The following POFUT2 variants were observed in gnomAD, a reference collection of about 807,000 sequenced individuals.
POFUT2 encodes the protein GDP-fucose protein O-fucosyltransferase 2.
A neutral mutation model predicts 55.0 loss-of-function variants in POFUT2; 30 were observed. The observed-to-expected ratio is 0.55, with a 90% CI of 0.41 to 0.74. The LOEUF (loss-of-function observed/expected upper bound fraction) is 0.74, where lower values mean the gene tolerates loss of function less well. POFUT2 is among the 30% of genes least tolerant of loss of function. The probability of loss-of-function intolerance (pLI) is 0.00; values close to 1 mark genes in which losing one functional copy is unlikely to be tolerated. For missense variants in POFUT2, 524 were observed against 562.6 expected (o/e 0.93, Z 0.69); for synonymous variants, 267 against 231.1 (o/e 1.16, Z -1.41).
In POFUT2 at chr21:45,265,655, TTCCA is replaced by T; in HGVS notation, c.1137-24_1137-21del. 5.1e-6 allele frequency: 4 copies of T among 785,358 alleles called. No homozygotes were observed. Among genetic ancestry groups the T allele is most frequent in the Non-Finnish European group, 6.8e-6 (4 of 587,518 alleles). 48.6% of individuals were successfully genotyped at this position (785,358 alleles called of 1,614,324 possible). A position where few individuals can be genotyped will look rare whatever the true frequency, so the allele number is the denominator to read the frequency against. On this transcript the variant is annotated intron_variant, in intron 8 of 8. Transcript: ENST00000349485. The surrounding 1 kb of genome is among the most constrained non-coding windows in gnomAD (Gnocchi z 4.6). ...AAAAACCTGCAAAGGATCACAGAGG[TTCCA>T]GAGTCAGGGAGAACTGGCGTCACAG...
At chr21:45,279,114 A>G (rs993871456) in intron 4 of POFUT2, among the ~76,000 whole-genome samples, 13 of 152,238 alleles carry the variant, frequency 8.5e-5, no homozygotes, top group East Asian at 1.9e-4. Context: ...AATTTTGGCC[A>G]GGCGCAGTGG....
chr21:45,286,883 G>T (rs1472608405), intron 1 of POFUT2, among the ~76,000 whole-genome samples: 1 of 152,192 alleles, frequency 6.6e-6, no homozygotes, highest in Non-Finnish European at 1.5e-5. Context: ...AGATCCCACA[G>T]CCACAGGGCG....
chr21:45,266,305 C>T, intron 8 of POFUT2: 1 of 1,365,828 alleles, frequency 7.3e-7, no homozygotes, highest in African/African-American at 1.5e-5. Flanking sequence ...AGCCACAGGG[C>T]CAGCAGGCCA....
intron 1 of POFUT2, among the ~76,000 whole-genome samples, chr21:45,286,616 G>T (rs1037647986): frequency 4.6e-5 from 7 of 152,236 alleles, no homozygotes; most frequent in African/African-American, 1.4e-4. Flanking sequence ...AAAGCTCAGA[G>T]ATCCAGGACA....
intron 6 of POFUT2, among the ~76,000 whole-genome samples, chr21:45,274,541 C>T (rs2093246184): frequency 6.6e-6 from 1 of 152,160 alleles, no homozygotes; most frequent in Non-Finnish European, 1.5e-5. Context: ...TCTGGAAGTA[C>T]ACAATACTCA....
chr21:45,268,370 A>C (rs1273150015), intron 7 of POFUT2, among the ~76,000 whole-genome samples: 1 of 151,886 alleles, frequency 6.6e-6, no homozygotes, highest in Admixed American at 6.5e-5. Flanking sequence ...TGGCCTCCCA[A>C]AGTGCCAAGA....
chr21:45,268,329 G>A lies in POFUT2; in HGVS notation c.1013-616C>T, dbSNP rs1004664854. 8.5e-3 allele frequency among the ~76,000 whole-genome samples: 1,299 copies of A among 152,260 alleles called. 20 individuals are homozygous for A. Among genetic ancestry groups the A allele is most frequent in the African/African-American group, 0.028 (1,172 of 41,534 alleles). On this transcript the variant is annotated intron_variant, in intron 7 of 8. Transcript: ENST00000349485. Reference sequence around the variant, plus strand: ...GAGTGCAGTGGCGTGATCTCGGCTCGCTACAACCTACACCTCCCAGCCGCC... The same window carrying A: ...GAGTGCAGTGGCGTGATCTCGGCTCACTACAACCTACACCTCCCAGCCGCC...
At chr21:45,274,259 A>T (rs1444134531) in intron 6 of POFUT2, among the ~76,000 whole-genome samples, 11 of 152,086 alleles carry the variant, frequency 7.2e-5, no homozygotes. Flanking sequence ...AAAAAAACCC[A>T]CAAAACTTGA....
chr21:45,268,087 C>T (rs1282569384), intron 7 of POFUT2, among the ~76,000 whole-genome samples: 2 of 152,224 alleles, frequency 1.3e-5, no homozygotes, highest in African/African-American at 4.8e-5. Flanking sequence ...TCACTGCAAC[C>T]TCCCTGCCTG....
Position 45,277,336 on chromosome 21 carries a change from C to T in POFUT2, c.706-194G>A, listed in dbSNP as rs538720883. ...TGGAGGGTCTCCTGCATGAAGCCAACGCAGGGCAAGCCGCCCACCCCTGCC... is the reference window on the plus strand; with the variant it reads ...TGGAGGGTCTCCTGCATGAAGCCAATGCAGGGCAAGCCGCCCACCCCTGCC... On this transcript the variant is annotated intron_variant, in intron 5 of 8. Coordinates refer to ENST00000349485, the MANE Select transcript of POFUT2 (RefSeq NM_133635.6). This position sits in a 1 kb window ranked among gnomAD's most constrained non-coding sequence, Gnocchi z 6.9. 342 of 708,836 alleles carry T rather than the reference C, an allele frequency of 4.8e-4. No homozygotes were observed. The highest frequency in any genetic ancestry group is 7.0e-4 in the Non-Finnish European group (314 of 448,428). 43.9% of individuals were successfully genotyped at this position (708,836 alleles called of 1,614,324 possible).
chr21:45,282,364 C>G lies in POFUT2; in HGVS notation c.623G>C (p.Arg208Thr), dbSNP rs566827278. The part of the protein sequence containing the change: ...SASIVAPLLL[R>T]NTSARSVMLD... ...GGGCACTCACCGGGCTGATGTGTTTCTCAGCAGCAGGGGCGCCACGATGGA... is the reference window on the plus strand; with the variant it reads ...GGGCACTCACCGGGCTGATGTGTTTGTCAGCAGCAGGGGCGCCACGATGGA... The change falls in exon 4 of 9, where the codon AGA becomes ACA. Residue 208 changes from arginine to threonine, a missense_variant. Physicochemically the swap from Arg to Thr is moderately conservative, Grantham distance 71. This residue lies in a region of POFUT2 where 250 missense variants were observed against 318.2 expected (regional missense o/e 0.79). Coordinates refer to ENST00000349485, the MANE Select transcript of POFUT2 (RefSeq NM_133635.6). The surrounding 1 kb of genome is among the most constrained non-coding windows in gnomAD (Gnocchi z 4.6). 1.9e-6 allele frequency: 3 copies of G among 1,611,698 alleles called. No individual in the cohort carries two copies. The highest frequency in any genetic ancestry group is 3.3e-5 in the Admixed American group (2 of 60,018).
chr21:45,267,599 G>A lies in POFUT2; in HGVS notation c.1127C>T (p.Ala376Val), dbSNP rs750206550. The change falls in exon 8 of 9, where the codon GCA (alanine) becomes GTA (valine). Residue 376 changes from alanine (A) to valine (V), a missense_variant. By Grantham distance (64) the Ala-to-Val change is moderately conservative. Coordinates refer to ENST00000349485, the MANE Select transcript of POFUT2 (RefSeq NM_133635.6). The surrounding 1 kb of genome is among the most constrained non-coding windows in gnomAD (Gnocchi z 4.4). The stretch of plus-strand genomic sequence containing the variant: ...TGACGTGGGCAGGCACCTGGCGTGT[G>A]CGCAGATCCACTGGTCAATAATCGC... ...GVAIIDQWICAHARFFIGTSV... is the reference protein window; with the variant it reads ...GVAIIDQWICVHARFFIGTSV... 1 of 1,614,218 alleles carries A rather than the reference G, an allele frequency of 6.2e-7. No individual in the cohort carries two copies. Among genetic ancestry groups the A allele is most frequent in the Non-Finnish European group, 8.5e-7 (1 of 1,180,048 alleles).
rs924863175 is a variant in POFUT2, at chr21:45,265,636, C to G, written c.1137-1G>C. ...TGAGACTGAGGTGCCAATAAAAAAC[C>G]TGCAAAGGATCACAGAGGTTCCAGA... On this transcript the variant is annotated splice_acceptor_variant, in intron 8 of 8. Coordinates refer to ENST00000349485, the MANE Select transcript of POFUT2 (RefSeq NM_133635.6). LOFTEE classifies it high-confidence loss of function. This position sits in a 1 kb window ranked among gnomAD's most constrained non-coding sequence, Gnocchi z 4.6. The G allele has an allele frequency of 6.2e-7, 1 of 1,610,982 alleles. No homozygotes were observed. The highest frequency in any genetic ancestry group is 8.5e-7 in the Non-Finnish European group (1 of 1,178,808).
chr21:45,287,618 C>T (rs2031616626), intron 1 of POFUT2, 123 bp downstream of exon 1: 1 of 1,020,048 alleles, frequency 9.8e-7, no homozygotes, highest in Non-Finnish European at 1.3e-6. Flanking sequence ...ACCCTCCATC[C>T]CGTGGGCCTG....
rs146639561 is a variant in POFUT2 at position 45,264,797 on chromosome 21, ACT to A, written c.*683_*684del. 1,928 of 152,638 alleles carry A rather than the reference ACT, an allele frequency of 0.013. 18 individuals are homozygous for A. The highest frequency in any genetic ancestry group is 0.017 in the Non-Finnish European group (1,166 of 68,318). 9.5% of individuals were successfully genotyped at this position (152,638 alleles called of 1,614,324 possible). A position where few individuals can be genotyped will look rare whatever the true frequency, so the allele number is the denominator to read the frequency against. On this transcript the variant is annotated 3_prime_UTR_variant, in exon 9 of 9. Coordinates refer to ENST00000349485, the MANE Select transcript of POFUT2 (RefSeq NM_133635.6). ...GCTGCAAGTTTCCTACAGACAATCC[ACT>A]GAGTGCCCCAGAGACGTCACTGAAA...
Position 45,285,984 on chromosome 21 carries a change from A to G in POFUT2, c.132-56T>C. 1 of 1,513,616 alleles carries G rather than the reference A, an allele frequency of 6.6e-7. No homozygotes were observed. The highest frequency in any genetic ancestry group is 8.9e-7 in the Non-Finnish European group (1 of 1,121,762). 93.8% of individuals were successfully genotyped at this position (1,513,616 alleles called of 1,614,324 possible). ...CAAATGCTGAGGTTTCTGCACGGAAAACCCGACTGCTCACAAGTCTCAGCG... is the reference window on the plus strand; with the variant it reads ...CAAATGCTGAGGTTTCTGCACGGAAGACCCGACTGCTCACAAGTCTCAGCG... On this transcript the variant is annotated intron_variant, in intron 1 of 8. Transcript: ENST00000349485. This position sits in a 1 kb window ranked among gnomAD's most constrained non-coding sequence, Gnocchi z 4.9.
Position 45,268,910 on chromosome 21 carries a change from G to C in POFUT2, c.1012+929C>G, listed in dbSNP as rs1209950005. On this transcript the variant is annotated intron_variant, in intron 7 of 8. Coordinates refer to ENST00000349485, the MANE Select transcript of POFUT2 (RefSeq NM_133635.6). The stretch of plus-strand genomic sequence containing the variant: ...CAGCCGCCCCGTCCGGGAGGGAGGT[G>C]GGGGGGTCAGCCCCCCGCCTGGCCA... Among the ~76,000 whole-genome samples, 135 of 106,262 alleles carry C rather than the reference G, an allele frequency of 1.3e-3. 22 individuals carry two copies. The highest frequency in any genetic ancestry group is 5.1e-3 in the African/African-American group (132 of 25,758). 69.7% of individuals were successfully genotyped at this position (106,262 alleles called of 152,430 possible). A position where few individuals can be genotyped will look rare whatever the true frequency, so the allele number is the denominator to read the frequency against.
chr21:45,283,302 C>CCACGG, intron 3 of POFUT2, 81 bp downstream of exon 3: 1 of 651,866 alleles, frequency 1.5e-6, no homozygotes. Context: ...CGGGGGGCGC[C>CCACGG]TGAGGCGGGG....
At position 45,287,762 on chromosome 21, in the gene POFUT2, G is replaced by A. The variant is rs760217799; in HGVS notation, c.110C>T (p.Ser37Leu). The change falls in exon 1 of 9, where the codon TCG becomes TTG. Residue 37 changes from serine (S) to leucine (L), a missense_variant. Transcript: ENST00000349485. Reference sequence around the variant, plus strand: ...TTACCGTCTGCGGGAAGCCGCCCCCGACAGAATATCGGCCGCCGATTGTCC... The same window carrying A: ...TTACCGTCTGCGGGAAGCCGCCCCCAACAGAATATCGGCCGCCGATTGTCC... ...WPGQSAADILSGAASRRRYLL... is the reference protein window; with the variant it reads ...WPGQSAADILLGAASRRRYLL... 30 of 1,348,170 alleles carry A rather than the reference G, an allele frequency of 2.2e-5. No individual in the cohort carries two copies. The highest frequency in any genetic ancestry group is 2.8e-5 in the Non-Finnish European group (29 of 1,027,994). 83.5% of individuals were successfully genotyped at this position (1,348,170 alleles called of 1,614,324 possible). A position where few individuals can be genotyped will look rare whatever the true frequency, so the allele number is the denominator to read the frequency against.
Sources: gnomAD v4.1 joint callset for allele counts (sites outside exome capture counted in the v4.1 genomes callset) on GRCh38, gnomAD v4.1.1 for gene constraint, gnomAD v4.1.1 regional missense constraint, Gnocchi (gnomAD v3.1) non-coding constraint, MANE v1.5 for transcripts, NCBI Gene and HGNC (gene_info 2026-07-23, HGNC 2026-07-21) for gene names.